ANHX: variants seen among roughly 807,000 people sequenced by gnomAD.
The protein encoded by ANHX is anomalous homeobox, also known as anomalous homeobox protein.
In ANHX, 20 loss-of-function variants were observed where a neutral mutation model predicts 38.9. That is an observed-to-expected ratio of 0.51 (90% CI 0.36 to 0.75). The LOEUF is 0.75. Ranked by LOEUF, ANHX falls within the 30% of genes least tolerant of loss-of-function variation. The pLI is 0.00. For synonymous variants in ANHX, 185 were observed against 203.1 expected (o/e 0.91, Z 0.76); for missense variants, 475 against 493.1 (o/e 0.96, Z 0.35).
intron 3 of ANHX, among the ~76,000 whole-genome samples, chr12:133,228,386 G>T (rs1197143310): frequency 1.3e-5 from 2 of 152,154 alleles, no homozygotes; most frequent in Admixed American, 1.3e-4. Context: ...GGACCTGGCT[G>T]CCACCCTGGG....
At chr12:133,222,541 A>T (rs1957124086) in intron 7 of ANHX, among the ~76,000 whole-genome samples, 3 of 152,304 alleles carry the variant, frequency 2.0e-5, no homozygotes, top group Middle Eastern at 6.8e-3. Flanking sequence ...TCCCAATGTG[A>T]AGACACCCAT....
At chr12:133,227,205 G>C in intron 4 of ANHX, 53 bp from the exon 5 acceptor site, 1 of 1,497,410 alleles carries the variant, frequency 6.7e-7, no homozygotes, top group South Asian at 1.3e-5. Context: ...TGAGGACAGG[G>C]GGTGTGCAGA....
At chr12:133,230,745 A>T (rs749492334) in intron 3 of ANHX, among the ~76,000 whole-genome samples, 18 of 134,870 alleles carry the variant, frequency 1.3e-4, no homozygotes, top group African/African-American at 5.4e-4. Context: ...TGGGCAACAG[A>T]GCAAGACCCT....
chr12:133,226,181 C>T (rs1286721254), intron 6 of ANHX, 137 bp downstream of exon 6: 2 of 1,391,058 alleles, frequency 1.4e-6, no homozygotes, highest in Non-Finnish European at 1.9e-6. Flanking sequence ...TGGTGGCTTC[C>T]CTCTCCCTGG....
chr12:133,232,553 G>A (rs925678525), intron 2 of ANHX, among the ~76,000 whole-genome samples: 1 of 152,166 alleles, frequency 6.6e-6, no homozygotes, highest in Non-Finnish European at 1.5e-5. Flanking sequence ...CTGCCCTGAC[G>A]TGGGGGCAGG....
rs1957111133 is a variant in ANHX, at chr12:133,221,733, G to A, written c.1133-381C>T. On this transcript the variant is annotated intron_variant, in intron 7 of 9. Coordinates refer to ENST00000545940, the MANE Select transcript of ANHX (RefSeq NM_001372060.1). This position sits in a 1 kb window ranked among gnomAD's most constrained non-coding sequence, Gnocchi z 4.1. ...TTGTGGCTGGTTCACGGAGTGCTTGGCCACCAGCCCTTGGTGGTTTCCACT... is the reference window on the plus strand; with the variant it reads ...TTGTGGCTGGTTCACGGAGTGCTTGACCACCAGCCCTTGGTGGTTTCCACT... Among the ~76,000 whole-genome samples, 1 of 152,168 alleles carries A rather than the reference G, an allele frequency of 6.6e-6. No homozygotes were observed. The highest frequency in any genetic ancestry group is 1.5e-5 in the Non-Finnish European group (1 of 68,036).
chr12:133,224,709 T>A (rs1165132413), intron 7 of ANHX, among the ~76,000 whole-genome samples: 1 of 147,530 alleles, frequency 6.8e-6, no homozygotes, highest in Admixed American at 6.7e-5. Context: ...CTCACGCCTG[T>A]AATCCCAGCA....
rs529793386 is a variant in ANHX, at chr12:133,226,517, T to C, written c.719-79A>G. 224 of 1,452,710 alleles carry C rather than the reference T, an allele frequency of 1.5e-4. 1 individual carries two copies. In the African/African-American group the frequency reaches 2.8e-3, roughly 18 times the overall value. 90.0% of individuals were successfully genotyped at this position (1,452,710 alleles called of 1,614,324 possible). A position where few individuals can be genotyped will look rare whatever the true frequency, so the allele number is the denominator to read the frequency against. On this transcript the variant is annotated intron_variant, in intron 5 of 9. Coordinates refer to ENST00000545940, the MANE Select transcript of ANHX (RefSeq NM_001372060.1). ...CCTTCCCATCAGGTATGAGCAGCCC[T>C]GCTGGCTGGAAAAGGCTGTTGCCAT...
chr12:133,231,384 T>C (rs1015287295), intron 3 of ANHX, 133 bp downstream of exon 3: 2 of 1,266,342 alleles, frequency 1.6e-6, no homozygotes, highest in Non-Finnish European at 2.2e-6. Context: ...CTGTGACTAT[T>C]ACTGCTCCGG....
chr12:133,227,204 G>T (rs945889087), intron 4 of ANHX, 52 bp from the exon 5 acceptor site: 1 of 1,497,814 alleles, frequency 6.7e-7, no homozygotes, highest in Non-Finnish European at 8.9e-7. Flanking sequence ...CTGAGGACAG[G>T]GGGTGTGCAG....
chr12:133,226,117 G>A (rs890421630), intron 6 of ANHX, among the ~76,000 whole-genome samples: 12 of 152,186 alleles, frequency 7.9e-5, no homozygotes, highest in South Asian at 4.1e-4. Context: ...GCAGGAGCAC[G>A]TGTGGGTTCA....
rs978785891 is a variant in ANHX at position 133,231,642 on chromosome 12, C to A, written c.252G>T (p.Gly84=). The A allele has an allele frequency of 1.3e-6, 2 of 1,535,974 alleles. No homozygotes were observed. The highest frequency in any genetic ancestry group is 1.4e-5 in the African/African-American group (1 of 73,164). Residue 84 remains glycine, a splice_region_variant and synonymous_variant, in exon 3 of 10, where the codon GGG becomes GGT. Coordinates refer to ENST00000545940, the MANE Select transcript of ANHX (RefSeq NM_001372060.1). ...QQQAACRLLE[G]CQVPGGSQEL... ...CCTGGCTGCCTCCCGGCACCTGGCA[C>A]CCCTGCCAAGAAGAGTGTACTGAGC...
chr12:133,219,357 G>A lies in ANHX; in HGVS notation c.1291C>T (p.Leu431=). ...GGGAAGGCAGATGGGGCTGGGGCCAGCTCTGGAGGGCTGGAAAAGAGACAG... is the reference window on the plus strand; with the variant it reads ...GGGAAGGCAGATGGGGCTGGGGCCAACTCTGGAGGGCTGGAAAAGAGACAG... The part of the protein sequence containing the change: ...EFILTQSPPE[L]APAPSAFPGP... The change falls in exon 9 of 10, where the codon CTG becomes TTG. Residue 431 remains leucine, a synonymous_variant. Coordinates refer to ENST00000545940, the MANE Select transcript of ANHX (RefSeq NM_001372060.1). The A allele has an allele frequency of 1.3e-6, 2 of 1,529,146 alleles. No homozygotes were observed. Among genetic ancestry groups the A allele is most frequent in the African/African-American group, 2.7e-5 (2 of 72,950 alleles). 94.7% of individuals were successfully genotyped at this position (1,529,146 alleles called of 1,614,324 possible).
At chr12:133,232,225 A>G (rs895515080) in intron 2 of ANHX, among the ~76,000 whole-genome samples, 4 of 46,016 alleles carry the variant, frequency 8.7e-5, no homozygotes, top group African/African-American at 2.9e-4. Flanking sequence ...TGGCCAGTAC[A>G]CCCATCCACT....
At chr12:133,219,018 C>G (rs1209354363) in intron 9 of ANHX, 47 bp from the exon 10 acceptor site, 4 of 1,480,828 alleles carry the variant, frequency 2.7e-6, no homozygotes, top group African/African-American at 1.4e-5. Context: ...TTTCCAGGCT[C>G]AAGACCTGCC....
chr12:133,234,281 C>T lies in ANHX; in HGVS notation c.76G>A (p.Gly26Ser), dbSNP rs1957330491. The change falls in exon 2 of 10, where the codon GGC becomes AGC. Residue 26 changes from glycine (G) to serine (S), a missense_variant. Transcript: ENST00000545940. ...TCCTGGAAGTCCCGGCACAGTCTGC[C>T]CGCAAGGGTCACCAGCTCCGCCGGG... ...APPAELVTLA[G>S]RLCRDFQDDL... The T allele has an allele frequency of 6.5e-7, 1 of 1,536,028 alleles. No homozygotes were observed. Among genetic ancestry groups the T allele is most frequent in the African/African-American group, 1.4e-5 (1 of 73,046 alleles).
chr12:133,230,100 C>G (rs933406352), intron 3 of ANHX, among the ~76,000 whole-genome samples: 1 of 152,254 alleles, frequency 6.6e-6, no homozygotes, highest in Non-Finnish European at 1.5e-5. Flanking sequence ...TTCTCACTCT[C>G]TGAATTATGT....
In ANHX at chr12:133,221,245, G is replaced by A; in HGVS notation, c.1240C>T (p.Gln414Ter). 1 of 1,536,078 alleles carries A rather than the reference G, an allele frequency of 6.5e-7. No individual in the cohort carries two copies. Among genetic ancestry groups the A allele is most frequent in the Non-Finnish European group, 8.7e-7 (1 of 1,146,900 alleles). Residue 414 changes from glutamine (Q) to a stop codon, truncating the protein, a stop_gained, in exon 8 of 10, where the codon CAG (glutamine) becomes TAG (stop). Coordinates refer to ENST00000545940, the MANE Select transcript of ANHX (RefSeq NM_001372060.1). LOFTEE classifies it high-confidence loss of function. The surrounding 1 kb of genome is among the most constrained non-coding windows in gnomAD (Gnocchi z 4.1). ...ELRVGSFLVT[Q>*]PPLQAPEFIL... is the part of the protein sequence containing the mutation. ...AATTCAGGAGCTTGCAGTGGGGGCT[G>A]TGTCACCAGGAAGCTGCCCACCCGT... is the stretch of plus-strand genomic sequence containing the variant.
At chr12:133,222,892 T>G (rs1455372919) in intron 7 of ANHX, among the ~76,000 whole-genome samples, 1 of 152,182 alleles carries the variant, frequency 6.6e-6, no homozygotes, top group Non-Finnish European at 1.5e-5. Context: ...GAAATTCTCT[T>G]AAGATATACA....
Sources: allele counts gnomAD v4.1 joint callset (sites outside exome capture counted in the v4.1 genomes callset), GRCh38; gene constraint gnomAD v4.1.1; non-coding constraint Gnocchi (gnomAD v3.1); transcripts MANE v1.5; gene names NCBI Gene and HGNC (gene_info 2026-07-23, HGNC 2026-07-21).